Variants in OR56A3 observed in about 807,000 individuals in gnomAD.
OR56A3 encodes olfactory receptor family 56 subfamily A member 3.
Under a neutral mutation model 17.5 loss-of-function variants are expected in OR56A3, and 23 were observed. The ratio of observed to expected loss-of-function variants is 1.32; its 90% CI spans 0.95 to 1.87. The LOEUF is 1.87. Among genes scored for constraint, OR56A3 ranks in the 40% most tolerant of loss-of-function variants. OR56A3 has a pLI of 0.00. For synonymous variants in OR56A3, 175 were observed against 150.6 expected (o/e 1.16, Z -1.19); for missense variants, 366 against 380.1 (o/e 0.96, Z 0.31).
At chr11:5,962,856 C>A in the OR56A3 span, among the ~76,000 whole-genome samples, 1 of 152,148 alleles carries the variant, frequency 6.6e-6, no homozygotes, top group Non-Finnish European at 1.5e-5. Context: ...TGAGATACTT[C>A]TACTACTATC....
the OR56A3 span, among the ~76,000 whole-genome samples, chr11:5,996,736 G>A: frequency 1.3e-5 from 2 of 152,226 alleles, no homozygotes; most frequent in African/African-American, 4.8e-5. Context: ...TTTGTGGCCA[G>A]ATTCCAAAGA....
At position 5,950,648 on chromosome 11, in the gene OR56A3, T is replaced by C. The variant is rs2134365498; in HGVS notation, c.*2354T>C. ...ACAGACAAAATTAGTTCTAATAAGATATTTTATTTAGTCCAACATATCCAA... is the reference window on the plus strand; with the variant it reads ...ACAGACAAAATTAGTTCTAATAAGACATTTTATTTAGTCCAACATATCCAA... On this transcript the variant is annotated 3_prime_UTR_variant, in exon 3 of 3. Transcript: ENST00000641160. 1 of 152,268 alleles carries C rather than the reference T, an allele frequency of 6.6e-6. No individual in the cohort carries two copies. The highest frequency in any genetic ancestry group is 2.1e-4 in the South Asian group (1 of 4,832). 9.4% of individuals were successfully genotyped at this position (152,268 alleles called of 1,614,324 possible).
chr11:5,997,468 G>A, the OR56A3 span, among the ~76,000 whole-genome samples: 1 of 152,124 alleles, frequency 6.6e-6, no homozygotes, highest in Non-Finnish European at 1.5e-5. Flanking sequence ...CCTGTCCTAA[G>A]CTCCACTCTG....
the OR56A3 span, chr11:5,985,971 TC>T: frequency 1.9e-6 from 3 of 1,610,818 alleles, no homozygotes; most frequent in Non-Finnish European, 2.5e-6. Context: ...CTCTGAGCAC[TC>T]GCTGGCGGAT....
chr11:5,980,642 A>G, the OR56A3 span, among the ~76,000 whole-genome samples: 9 of 152,100 alleles, frequency 5.9e-5, no homozygotes, highest in Non-Finnish European at 1.2e-4. Context: ...AACTTACCAA[A>G]TTGAACATTT....
the OR56A3 span, among the ~76,000 whole-genome samples, chr11:5,991,064 A>C: frequency 6.6e-6 from 1 of 152,238 alleles, no homozygotes; most frequent in Non-Finnish European, 1.5e-5. Context: ...TTTTCTATTC[A>C]GAATGGCTGC....
At chr11:6,016,817 C>A in the OR56A3 span, among the ~76,000 whole-genome samples, 1 of 78,814 alleles carries the variant, frequency 1.3e-5, no homozygotes, top group Non-Finnish European at 2.4e-5. Context: ...AAAGAGATAT[C>A]ATTAAAAAAA....
the OR56A3 span, among the ~76,000 whole-genome samples, chr11:5,962,683 C>T: frequency 5.9e-5 from 9 of 151,992 alleles, no homozygotes; most frequent in Non-Finnish European, 7.4e-5. Flanking sequence ...GGACTACAGG[C>T]GCCTGCCACC....
chr11:5,968,288 G>A, the OR56A3 span: 3 of 1,612,802 alleles, frequency 1.9e-6, no homozygotes, highest in South Asian at 1.1e-5. Context: ...CCAGCAGGGA[G>A]AGGAGGCTGA....
chr11:5,947,722 C>T lies in OR56A3; in HGVS notation c.376C>T (p.Arg126Cys), dbSNP rs777153187. 23 of 1,614,072 alleles carry T rather than the reference C, an allele frequency of 1.4e-5. 1 individual carries two copies. In the South Asian group the frequency reaches 2.1e-4, roughly 15 times the overall value. Residue 126 changes from arginine to cysteine, a missense_variant, in exon 3 of 3, where the codon CGT becomes TGT. By Grantham distance (180) the Arg-to-Cys change is radical. Transcript: ENST00000641160. ...SCTFMVMAYD[R>C]YVAICHPLRY... is the part of the protein sequence containing the mutation. Reference sequence around the variant, plus strand: ...CACATTCATGGTCATGGCCTATGATCGTTATGTAGCCATCTGCCACCCACT... The same window carrying T: ...CACATTCATGGTCATGGCCTATGATTGTTATGTAGCCATCTGCCACCCACT...
chr11:5,956,263 C>G (rs1018328774), downstream of OR56A3, among the ~76,000 whole-genome samples: 2 of 152,094 alleles, frequency 1.3e-5, no homozygotes, highest in Non-Finnish European at 2.9e-5. Flanking sequence ...AGAAATAACT[C>G]TAAGAACAGA....
chr11:5,945,579 T>TAAAAAA (rs3082300), intron 2 of OR56A3, among the ~76,000 whole-genome samples: 18 of 114,528 alleles, frequency 1.6e-4, no homozygotes, highest in South Asian at 2.9e-4. Context: ...AGACCCCATA[T>TAAAAAA]AAAAAAAAAA....
chr11:5,986,513 G>A, the OR56A3 span: 363,722 of 1,613,416 alleles, frequency 0.23, 42,197 homozygotes, highest in African/African-American at 0.26. Flanking sequence ...GCTACATAGC[G>A]ATCCAGAGCC....
the OR56A3 span, among the ~76,000 whole-genome samples, chr11:5,987,891 G>C: frequency 5.3e-5 from 8 of 151,864 alleles, no homozygotes; most frequent in Non-Finnish European, 1.0e-4. Context: ...GAAGTCATGG[G>C]TTTTTTTTCT....
chr11:6,003,290 G>A, the OR56A3 span: 2 of 534,844 alleles, frequency 3.7e-6, no homozygotes. Flanking sequence ...TAGAGATAAG[G>A]GAAAATTGTA....
chr11:5,964,421 G>A, the OR56A3 span, among the ~76,000 whole-genome samples: 10 of 152,178 alleles, frequency 6.6e-5, no homozygotes, highest in Admixed American at 6.5e-4. Context: ...GTCATCTGGT[G>A]TGGTCCCTAA....
At chr11:5,984,529 G>A in the OR56A3 span, among the ~76,000 whole-genome samples, 106,918 of 152,072 alleles carry the variant, frequency 0.7, 39,174 homozygotes, top group East Asian at 0.87. Flanking sequence ...ACTCTCTAGG[G>A]TTAAGAGAGT....
chr11:5,958,600 A>G, the OR56A3 span, among the ~76,000 whole-genome samples: 156 of 152,306 alleles, frequency 1.0e-3, no homozygotes, highest in African/African-American at 3.5e-3. Flanking sequence ...TAACAAATGC[A>G]TTACTTCAAA....
chr11:6,002,115 A>G, the OR56A3 span: 1 of 1,613,400 alleles, frequency 6.2e-7, no homozygotes. Context: ...ACCATAAACA[A>G]TGGGGTTCAG....
Sources: allele counts gnomAD v4.1 joint callset (sites outside exome capture counted in the v4.1 genomes callset), GRCh38; gene constraint gnomAD v4.1.1; transcripts MANE v1.5; gene names NCBI Gene and HGNC (gene_info 2026-07-23, HGNC 2026-07-21).